NFIB: variants seen among roughly 807,000 people sequenced by gnomAD.
NFIB encodes the protein nuclear factor 1 B-type.
In NFIB, 11 loss-of-function variants were observed where a neutral mutation model predicts 61.5. The ratio of observed to expected loss-of-function variants is 0.18; its 90% CI spans 0.11 to 0.30. The LOEUF is 0.30. Among genes scored for constraint, NFIB ranks in the 10% least tolerant of loss-of-function variants. The probability of loss-of-function intolerance (pLI) is 1.00; values close to 1 mark genes in which losing one functional copy is unlikely to be tolerated. For missense variants in NFIB, 471 were observed against 608.9 expected, an observed-to-expected ratio of 0.77 and a Z score of 2.38; for synonymous variants, 260 against 216.5, an observed-to-expected ratio of 1.20 and a Z score of -1.76.
intron 1 of NFIB, among the ~76,000 whole-genome samples, chr9:14,311,162 T>C (rs1357470731): frequency 6.6e-6 from 1 of 152,186 alleles, no homozygotes; most frequent in Admixed American, 6.5e-5. Context: ...TAGCATACTA[T>C]TTTGCTAAAC....
intron 2 of NFIB, among the ~76,000 whole-genome samples, chr9:14,300,384 T>C (rs982452496): frequency 6.6e-6 from 1 of 152,202 alleles, no homozygotes; most frequent in Non-Finnish European, 1.5e-5. Flanking sequence ...TGTTGGCTAA[T>C]CATTTGCTCC....
chr9:14,149,320 T>C (rs1158582938), intron 5 of NFIB, among the ~76,000 whole-genome samples: 4 of 152,174 alleles, frequency 2.6e-5, no homozygotes, highest in African/African-American at 7.2e-5. Flanking sequence ...AATATACAGG[T>C]ATCCTTTTAT....
chr9:14,512,322 G>A, the NFIB span, among the ~76,000 whole-genome samples: 1 of 152,108 alleles, frequency 6.6e-6, no homozygotes, highest in Non-Finnish European at 1.5e-5. Flanking sequence ...TAATTTTGAG[G>A]AGTATTTTTA....
At chr9:14,122,018 C>G (rs1394935504) in intron 7 of NFIB, among the ~76,000 whole-genome samples, 1 of 151,918 alleles carries the variant, frequency 6.6e-6, no homozygotes, top group Non-Finnish European at 1.5e-5. Context: ...AAATGTCTTT[C>G]TATTTTAATA....
chr9:14,138,892 ATGTG>A lies in NFIB; in HGVS notation c.925+7793_925+7796del, dbSNP rs36000888. On this transcript the variant is annotated intron_variant, in intron 6 of 10. Coordinates refer to ENST00000380953, the MANE Select transcript of NFIB (RefSeq NM_001190737.2). ...TGGCACTAATAATAATAGTTGATTT[ATGTG>A]TGTGTGTGTGTGTGTATGTATATGT... Among the ~76,000 whole-genome samples the A allele has an allele frequency of 1.5e-4, 22 of 149,146 alleles. No individual in the cohort carries two copies. In the East Asian group the frequency reaches 3.3e-3, roughly 22 times the overall value.
the NFIB span, among the ~76,000 whole-genome samples, chr9:14,405,801 G>T: frequency 1.3e-5 from 2 of 152,194 alleles, no homozygotes; most frequent in Admixed American, 6.5e-5. Context: ...TTCCTATTTA[G>T]CCCCGATGGG....
intron 10 of NFIB, chr9:14,102,333 T>C (rs371093273): frequency 3.6e-6 from 4 of 1,116,948 alleles, no homozygotes; most frequent in South Asian, 1.5e-5. Context: ...TTTTAACATA[T>C]ATTTTCTGTA....
intron 2 of NFIB, among the ~76,000 whole-genome samples, chr9:14,210,775 CAGAA>C (rs1163535179): frequency 6.6e-6 from 1 of 151,934 alleles, no homozygotes; most frequent in African/African-American, 2.4e-5. Flanking sequence ...TGGAAAAAAA[CAGAA>C]AGAAAATTTT....
At chr9:14,256,765 G>T (rs1390832129) in intron 2 of NFIB, among the ~76,000 whole-genome samples, 1 of 152,090 alleles carries the variant, frequency 6.6e-6, no homozygotes, top group African/African-American at 2.4e-5. Flanking sequence ...TGAGCAGGGT[G>T]ATCTGCTCCA....
intron 3 of NFIB, among the ~76,000 whole-genome samples, chr9:14,172,495 G>C (rs2045675845): frequency 6.6e-6 from 1 of 152,020 alleles, no homozygotes; most frequent in South Asian, 2.1e-4. Flanking sequence ...ATAAATTCTT[G>C]GTAGGAAAAA....
At chr9:14,246,625 A>C (rs917551468) in intron 2 of NFIB, among the ~76,000 whole-genome samples, 2 of 152,186 alleles carry the variant, frequency 1.3e-5, no homozygotes, top group Non-Finnish European at 2.9e-5. Context: ...GTAAATGAGA[A>C]CTTCAGTGAG....
chr9:14,341,939 G>GA lies in NFIB; in HGVS notation c.109-34420dup, dbSNP rs5896628. ...TAGCTAGAGAGTGACTCCTCGGGAG[G>GA]AAAAAAAAAAAAAAAAATCAGTCAT... On this transcript the variant is annotated intron_variant, in intron 1 of 8. Transcript: ENST00000380934. Among the ~76,000 whole-genome samples the GA allele has an allele frequency of 5.0e-4, 71 of 140,684 alleles. 1 individual carries two copies. The highest frequency in any genetic ancestry group is 1.7e-3 in the African/African-American group (66 of 38,550). 92.3% of individuals were successfully genotyped at this position (140,684 alleles called of 152,430 possible).
chr9:14,346,041 G>A (rs2061013465), intron 1 of NFIB, among the ~76,000 whole-genome samples: 1 of 152,184 alleles, frequency 6.6e-6, no homozygotes, highest in African/African-American at 2.4e-5. Context: ...CCTCGCCTGT[G>A]GGCTGAGGAG....
rs906936274 is a variant in NFIB at position 14,292,373 on chromosome 9, T to A, written c.562+14616A>T. ...ACCAAATGAGTTAACTATTGGACTT[T>A]GAAATGAGCAACATGAAAGTGTTAC... On this transcript the variant is annotated intron_variant, in intron 2 of 10. Transcript: ENST00000380953. 7.9e-5 allele frequency among the ~76,000 whole-genome samples: 12 copies of A among 152,194 alleles called. No individual in the cohort carries two copies. The East Asian group carries it at 2.3e-3, about 29-fold the overall frequency.
chr9:14,138,626 T>C (rs2041340677), intron 6 of NFIB, among the ~76,000 whole-genome samples: 2 of 152,208 alleles, frequency 1.3e-5, no homozygotes, highest in Admixed American at 6.5e-5. Flanking sequence ...GGATTTGCTT[T>C]AAAATACTTT....
the NFIB span, among the ~76,000 whole-genome samples, chr9:14,449,940 A>AAAAT: frequency 9.2e-5 from 14 of 152,140 alleles, no homozygotes; most frequent in South Asian, 2.1e-4. Flanking sequence ...ATCTTGATTA[A>AAAAT]AAATAAATAA....
intron 6 of NFIB, among the ~76,000 whole-genome samples, chr9:14,126,949 A>C (rs2039730726): frequency 6.6e-6 from 1 of 152,206 alleles, no homozygotes; most frequent in African/African-American, 2.4e-5. Context: ...GCTCCTTTAA[A>C]GCTTAAAATC....
chr9:14,119,633 C>A (rs2038660712), intron 8 of NFIB, among the ~76,000 whole-genome samples: 1 of 152,132 alleles, frequency 6.6e-6, no homozygotes, highest in Non-Finnish European at 1.5e-5. Context: ...AATAAGTGGA[C>A]AGGAGTCTTA....
chr9:14,137,846 G>T (rs937669509), intron 6 of NFIB, among the ~76,000 whole-genome samples: 1 of 152,034 alleles, frequency 6.6e-6, no homozygotes, highest in African/African-American at 2.4e-5. Flanking sequence ...ATGGAAAAGT[G>T]ATTTTAACCT....
Sources: allele counts gnomAD v4.1 joint callset (sites outside exome capture counted in the v4.1 genomes callset), GRCh38; gene constraint gnomAD v4.1.1; transcripts MANE v1.5; gene names NCBI Gene and HGNC (gene_info 2026-07-23, HGNC 2026-07-21).